Variants in UCN3 observed in about 807,000 individuals in gnomAD.
UCN3 encodes urocortin-3.
A neutral mutation model predicts 3.6 loss-of-function variants in UCN3; 3 were observed. That is an observed-to-expected ratio of 0.83 (90% CI 0.38 to 2.15). UCN3 has a LOEUF of 2.15. Ranked by LOEUF, UCN3 falls within the 30% of genes most tolerant of loss-of-function variation. The probability of loss-of-function intolerance (pLI) is 0.06; values close to 1 mark genes in which losing one functional copy is unlikely to be tolerated. For synonymous variants in UCN3, 100 were observed against 93.2 expected, an observed-to-expected ratio of 1.07 and a Z score of -0.42; for missense variants, 206 against 208.3, an observed-to-expected ratio of 0.99 and a Z score of 0.07.
intron 1 of UCN3, among the ~76,000 whole-genome samples, chr10:5,370,920 C>CGTGTGTATATGTGTGAGTATATGT (rs1831412801): frequency 9.1e-6 from 1 of 109,846 alleles, no homozygotes; most frequent in African/African-American, 3.7e-5. Flanking sequence ...TGTGTATATG[C>CGTGTGTATATGTGTGAGTATATGT]GTGTGTATAT....
chr10:5,372,094 T>A (rs1375302083), intron 1 of UCN3, among the ~76,000 whole-genome samples: 1 of 152,204 alleles, frequency 6.6e-6, no homozygotes, highest in Non-Finnish European at 1.5e-5. Flanking sequence ...ACTCCGGACA[T>A]GTGCCCCTCA....
At chr10:5,369,995 ATG>A (rs146206216) in intron 1 of UCN3, among the ~76,000 whole-genome samples, 709 of 31,682 alleles carry the variant, frequency 0.022, 112 homozygotes, top group Middle Eastern at 0.054. Flanking sequence ...ATATGTGTGT[ATG>A]TGTGTGTGTA....
At chr10:5,370,696 TATGTGTGTGTATATG>T (rs1368644056) in intron 1 of UCN3, among the ~76,000 whole-genome samples, 20 of 110,112 alleles carry the variant, frequency 1.8e-4, no homozygotes, top group East Asian at 3.7e-4. Flanking sequence ...TATGTGTGTA[TATGTGTGTGTATATG>T]ATGTGTGTGT....
At position 5,370,921 on chromosome 10, in the gene UCN3, G is replaced by A. The variant is rs559933592; in HGVS notation, c.-6-2794G>A. Among the ~76,000 whole-genome samples, 30 of 111,342 alleles carry A rather than the reference G, an allele frequency of 2.7e-4. 4 individuals carry two copies. Among genetic ancestry groups the A allele is most frequent in the African/African-American group, 7.2e-4 (22 of 30,396 alleles). The allele number at this position is 111,342 out of a possible 152,430, so 73.0% of individuals were successfully genotyped here. On this transcript the variant is annotated intron_variant, in intron 1 of 1. Transcript: ENST00000380433. Reference sequence around the variant, plus strand: ...CGTGTGTATATGCGTGTGTATATGCGTGTGTATATGTGTGTTCATGTGTAT... The same window carrying A: ...CGTGTGTATATGCGTGTGTATATGCATGTGTATATGTGTGTTCATGTGTAT...
intron 1 of UCN3, among the ~76,000 whole-genome samples, chr10:5,371,529 G>T (rs538484516): frequency 6.6e-6 from 1 of 152,228 alleles, no homozygotes; most frequent in Non-Finnish European, 1.5e-5. Flanking sequence ...TTTGCTAAGG[G>T]TCAGCGCTGG....
intron 1 of UCN3, among the ~76,000 whole-genome samples, chr10:5,372,346 G>A (rs1831441158): frequency 6.6e-6 from 1 of 152,216 alleles, no homozygotes; most frequent in Non-Finnish European, 1.5e-5. Context: ...CTACTGTGAA[G>A]GAGCCCGGCG....
chr10:5,373,565 C>G (rs1378011398), intron 1 of UCN3, 150 bp from the exon 2 acceptor site: 1 of 1,311,130 alleles, frequency 7.6e-7, no homozygotes, highest in Non-Finnish European at 1.0e-6. Flanking sequence ...AACAAAGTCC[C>G]AGCCCGGGCT....
chr10:5,370,547 A>ATG (rs1284691329), intron 1 of UCN3, among the ~76,000 whole-genome samples: 5 of 41,304 alleles, frequency 1.2e-4, no homozygotes, highest in Admixed American at 3.4e-4. Flanking sequence ...ATGCGTGTAT[A>ATG]TGTGTGTATA....
Position 5,372,844 on chromosome 10 carries a change from C to T in UCN3, c.-6-871C>T, listed in dbSNP as rs201701510. Among the ~76,000 whole-genome samples, 17 of 151,944 alleles carry T rather than the reference C, an allele frequency of 1.1e-4. 1 individual carries two copies. The East Asian group carries it at 2.5e-3, about 23-fold the overall frequency. ...TGCTGGGATTACAGGTGTGAGCCAC[C>T]GTGCCTGGCCAGTTTTTATTTTTCT... On this transcript the variant is annotated intron_variant, in intron 1 of 1. Coordinates refer to ENST00000380433, the MANE Select transcript of UCN3 (RefSeq NM_053049.4).
intron 1 of UCN3, among the ~76,000 whole-genome samples, chr10:5,368,645 GT>G (rs1278563804): frequency 6.6e-6 from 1 of 152,020 alleles, no homozygotes; most frequent in Admixed American, 6.5e-5. Flanking sequence ...ATTGGTTTTT[GT>G]TTTTTTAAAC....
At position 5,365,957 on chromosome 10, in the gene UCN3, T is replaced by C. The variant is rs1178257627; in HGVS notation, c.-7+727T>C. ...GTTTGATGTTTATGTTTTCTGAAAA[T>C]TCCTGTTCGCAATTTCTTTCCCAAG... is the stretch of plus-strand genomic sequence containing the variant. On this transcript the variant is annotated intron_variant, in intron 1 of 1. Transcript: ENST00000380433. The surrounding 1 kb of genome is among the most constrained non-coding windows in gnomAD (Gnocchi z 4.4). 1.3e-5 allele frequency among the ~76,000 whole-genome samples: 2 copies of C among 152,152 alleles called. No homozygotes were observed. Among genetic ancestry groups the C allele is most frequent in the Non-Finnish European group, 2.9e-5 (2 of 68,024 alleles).
Position 5,374,007 on chromosome 10 carries a change from G to C in UCN3, c.287G>C (p.Arg96Thr). 1 of 1,611,342 alleles carries C rather than the reference G, an allele frequency of 6.2e-7. No homozygotes were observed. The highest frequency in any genetic ancestry group is 8.5e-7 in the Non-Finnish European group (1 of 1,178,776). The change falls in exon 2 of 2, where the codon AGA becomes ACA. Residue 96 changes from arginine (R) to threonine (T), a missense_variant. Arg to Thr is a moderately conservative substitution (Grantham distance 71). Transcript: ENST00000380433. ...GGTGGAGCCAGAGGCACCCGGTACA[G>C]ATACGTGTCCCAAGCACAGCCCAGG... ...ARGGARGTRY[R>T]YVSQAQPRGK...
At position 5,370,594 on chromosome 10, in the gene UCN3, TGTGTGTATGC is replaced by T. The variant is rs1831377605; in HGVS notation, c.-6-3112_-6-3103del. ...ATGCGTGTATATGTGTGTATATGTG[TGTGTGTATGC>T]GTGTGTATATGCGTGTATATGCGTG... On this transcript the variant is annotated intron_variant, in intron 1 of 1. Transcript: ENST00000380433. 1.6e-5 allele frequency among the ~76,000 whole-genome samples: 2 copies of T among 125,706 alleles called. 1 individual carries two copies. The highest frequency in any genetic ancestry group is 3.3e-5 in the Non-Finnish European group (2 of 60,066). 82.5% of individuals were successfully genotyped at this position (125,706 alleles called of 152,430 possible).
At chr10:5,370,046 CGT>C (rs1244111317) in intron 1 of UCN3, among the ~76,000 whole-genome samples, 10 of 10,936 alleles carry the variant, frequency 9.1e-4, no homozygotes, top group Admixed American at 6.2e-3. Context: ...TGTGTATATG[CGT>C]GTGTATGTGT....
At chr10:5,368,449 G>A (rs546568404) in intron 1 of UCN3, among the ~76,000 whole-genome samples, 1 of 152,308 alleles carries the variant, frequency 6.6e-6, no homozygotes, top group South Asian at 2.1e-4. Flanking sequence ...TCAGAACAAA[G>A]ATTCTCGAAC....
At position 5,370,920 on chromosome 10, in the gene UCN3, CGTGTGTATATGT is replaced by C. The variant is rs1228555166; in HGVS notation, c.-6-2790_-6-2779del. Among the ~76,000 whole-genome samples the C allele has an allele frequency of 8.1e-3, 891 of 109,826 alleles. 59 individuals are homozygous for C. The highest frequency in any genetic ancestry group is 0.027 in the Middle Eastern group (5 of 186). 72.1% of individuals were successfully genotyped at this position (109,826 alleles called of 152,430 possible). On this transcript the variant is annotated intron_variant, in intron 1 of 1. Transcript: ENST00000380433. The stretch of plus-strand genomic sequence containing the variant: ...GCGTGTGTATATGCGTGTGTATATG[CGTGTGTATATGT>C]GTGTTCATGTGTATGTGTGTAAGGT...
Position 5,374,243 on chromosome 10 carries a change from GGGGGAGGGGA to G in UCN3, c.*42_*51del. On this transcript the variant is annotated 3_prime_UTR_variant, in exon 2 of 2. Coordinates refer to ENST00000380433, the MANE Select transcript of UCN3 (RefSeq NM_053049.4). Reference sequence around the variant, plus strand: ...GGACGGGAGGGCAGCGGGGTGGGGAGGGGGAGGGGAGGGGGAGGGGAGGGCGAGGGGGGGA... The same window carrying G: ...GGACGGGAGGGCAGCGGGGTGGGGAGGGGGGAGGGGAGGGCGAGGGGGGGA... 1 of 582,454 alleles carries G rather than the reference GGGGGAGGGGA, an allele frequency of 1.7e-6. No homozygotes were observed. The highest frequency in any genetic ancestry group is 2.1e-5 in the South Asian group (1 of 48,760). The allele number at this position is 582,454 out of a possible 1,614,324, so 36.1% of individuals were successfully genotyped here. A position where few individuals can be genotyped will look rare whatever the true frequency, so the allele number is the denominator to read the frequency against.
chr10:5,370,046 CGTGTGTATGTGTGTGTATATGT>C (rs1831332552), intron 1 of UCN3, among the ~76,000 whole-genome samples: 1 of 10,958 alleles, frequency 9.1e-5, no homozygotes, highest in Admixed American at 1.2e-3. Context: ...TGTGTATATG[CGTGTGTATGTGTGTGTATATGT>C]GTGTATATGC....
At chr10:5,370,908 C>CGTGTGTATATGT (rs1564443802) in intron 1 of UCN3, among the ~76,000 whole-genome samples, 7 of 76,710 alleles carry the variant, frequency 9.1e-5, no homozygotes, top group African/African-American at 3.2e-4. Flanking sequence ...TGTGTATATG[C>CGTGTGTATATGT]GTGTGTATAT....
Sources: gnomAD v4.1 joint callset for allele counts (sites outside exome capture counted in the v4.1 genomes callset) on GRCh38, gnomAD v4.1.1 for gene constraint, Gnocchi (gnomAD v3.1) non-coding constraint, MANE v1.5 for transcripts, NCBI Gene and HGNC (gene_info 2026-07-23, HGNC 2026-07-21) for gene names.